TUNAR: variants seen among roughly 807,000 people sequenced by gnomAD.
TUNAR encodes the protein protein TUNAR.
intron 2 of TUNAR, among the ~76,000 whole-genome samples, chr14:95,889,120 A>G (rs556545104): frequency 4.0e-5 from 6 of 151,056 alleles, no homozygotes; most frequent in Non-Finnish European, 7.4e-5. Context: ...CTTTATACCA[A>G]CCCTTGGGGC....
chr14:95,922,082 T>C (rs1889706410), intron 2 of TUNAR, among the ~76,000 whole-genome samples: 1 of 152,232 alleles, frequency 6.6e-6, no homozygotes, highest in Admixed American at 6.5e-5. Context: ...AAGTGAGGCC[T>C]TCTCTAGGGT....
intron 2 of TUNAR, among the ~76,000 whole-genome samples, chr14:95,890,015 C>A (rs887648984): frequency 4.0e-5 from 6 of 150,052 alleles, no homozygotes; most frequent in Non-Finnish European, 7.4e-5. Context: ...ATTTTTTTCC[C>A]CAAGGGGTGG....
chr14:95,898,900 C>G (rs866777529), intron 2 of TUNAR, among the ~76,000 whole-genome samples: 36 of 152,188 alleles, frequency 2.4e-4, no homozygotes, highest in African/African-American at 7.0e-4. Context: ...TGAAAAAAGT[C>G]TAGCAGCTGT....
chr14:95,887,165 C>T (rs890878644), intron 2 of TUNAR, among the ~76,000 whole-genome samples: 2 of 152,194 alleles, frequency 1.3e-5, no homozygotes, highest in African/African-American at 4.8e-5. Flanking sequence ...CTCAGAGCAC[C>T]TAGTGCACAC....
At chr14:95,911,345 A>C (rs1889510698) in intron 2 of TUNAR, among the ~76,000 whole-genome samples, 1 of 152,224 alleles carries the variant, frequency 6.6e-6, no homozygotes, top group Non-Finnish European at 1.5e-5. Context: ...TTGTGGAGAC[A>C]GTTCACTGCG....
At chr14:95,886,323 G>T (rs1188370736) in intron 2 of TUNAR, among the ~76,000 whole-genome samples, 1 of 152,252 alleles carries the variant, frequency 6.6e-6, no homozygotes, top group Non-Finnish European at 1.5e-5. Flanking sequence ...AATGTGCTCA[G>T]CAGGGCCAGT....
intron 2 of TUNAR, among the ~76,000 whole-genome samples, chr14:95,884,886 T>C (rs568470341): frequency 2.9e-4 from 44 of 152,164 alleles, no homozygotes; most frequent in African/African-American, 5.8e-4. Context: ...TTTTTTTTTT[T>C]CCCTCCTACT....
chr14:95,894,847 T>C (rs1889236421), intron 2 of TUNAR, among the ~76,000 whole-genome samples: 1 of 150,338 alleles, frequency 6.7e-6, no homozygotes, highest in Non-Finnish European at 1.5e-5. Flanking sequence ...GCGGTTGCAG[T>C]GAAGGAGAGA....
chr14:95,888,979 TGAA>T (rs1239982326), intron 2 of TUNAR, among the ~76,000 whole-genome samples: 1 of 152,134 alleles, frequency 6.6e-6, no homozygotes, highest in Non-Finnish European at 1.5e-5. Flanking sequence ...GTGTAAAGTG[TGAA>T]GCACTACGGG....
exon 3 of TUNAR, chr14:95,924,026 C>T (rs773968574): frequency 6.6e-6 from 1 of 152,154 alleles, no homozygotes; most frequent in East Asian, 1.9e-4. Context: ...TTACCGGCAG[C>T]GTTATTGTTT....
chr14:95,879,729 T>C (rs1350187394), intron 2 of TUNAR, among the ~76,000 whole-genome samples: 1 of 151,988 alleles, frequency 6.6e-6, no homozygotes, highest in Non-Finnish European at 1.5e-5. Flanking sequence ...CTGTAAGATC[T>C]CTAAGCTGAA....
chr14:95,879,425 T>C (rs926477482), intron 2 of TUNAR, among the ~76,000 whole-genome samples: 3 of 152,206 alleles, frequency 2.0e-5, no homozygotes, highest in African/African-American at 7.2e-5. Flanking sequence ...TAGCTTCTCA[T>C]GATTAACTGG....
At chr14:95,883,266 G>C (rs72700924) in intron 2 of TUNAR, among the ~76,000 whole-genome samples, 1 of 152,130 alleles carries the variant, frequency 6.6e-6, no homozygotes, top group Non-Finnish European at 1.5e-5. Context: ...CAGCAGGGCT[G>C]GTTGTCCTCC....
chr14:95,886,346 G>T (rs1003042940), intron 2 of TUNAR, among the ~76,000 whole-genome samples: 2 of 152,258 alleles, frequency 1.3e-5, no homozygotes, highest in Middle Eastern at 3.2e-3. Flanking sequence ...CTTTTGCAGA[G>T]CTGGCTGGAC....
intron 2 of TUNAR, among the ~76,000 whole-genome samples, chr14:95,905,712 G>A (rs1475400261): frequency 6.6e-6 from 1 of 152,144 alleles, no homozygotes; most frequent in Non-Finnish European, 1.5e-5. Context: ...CCTCAAACAT[G>A]AGCTCATTAC....
chr14:95,912,970 T>C (rs1889539727), intron 2 of TUNAR, among the ~76,000 whole-genome samples: 1 of 152,082 alleles, frequency 6.6e-6, no homozygotes, highest in Non-Finnish European at 1.5e-5. Context: ...CTCTTGTATT[T>C]TTAGTAGAGA....
At chr14:95,892,241 C>T (rs1279778585) in intron 2 of TUNAR, among the ~76,000 whole-genome samples, 1 of 152,238 alleles carries the variant, frequency 6.6e-6, no homozygotes, top group South Asian at 2.1e-4. Context: ...GGGTTCTCCT[C>T]AATCCCCTGC....
intron 2 of TUNAR, among the ~76,000 whole-genome samples, chr14:95,910,778 G>T (rs1268559084): frequency 6.6e-6 from 1 of 152,194 alleles, no homozygotes; most frequent in Non-Finnish European, 1.5e-5. Context: ...TTGTCCTTTG[G>T]AAAACTCTTG....
chr14:95,889,252 G>A (rs922008756), intron 2 of TUNAR, among the ~76,000 whole-genome samples: 2 of 151,936 alleles, frequency 1.3e-5, no homozygotes, highest in Admixed American at 6.6e-5. Flanking sequence ...ACCATAAAAA[G>A]AAAAATTAAA....
Sources: allele counts gnomAD v4.1 joint callset (sites outside exome capture counted in the v4.1 genomes callset), GRCh38; gene constraint gnomAD v4.1.1; transcripts MANE v1.5; gene names NCBI Gene and HGNC (gene_info 2026-07-23, HGNC 2026-07-21).